CYTH1: variants seen among roughly 807,000 people sequenced by gnomAD.
CYTH1 encodes cytohesin-1.
CYTH1 carries 18 observed loss-of-function variants against 61.8 expected under a neutral mutation model. The ratio of observed to expected loss-of-function variants is 0.29; its 90% confidence interval spans 0.20 to 0.43. The LOEUF (loss-of-function observed/expected upper bound fraction) is 0.43. Among genes scored for constraint, CYTH1 ranks in the 20% least tolerant of loss-of-function variants. The probability of loss-of-function intolerance (pLI) is 1.00; values close to 1 mark genes in which losing one functional copy is unlikely to be tolerated. For synonymous variants in CYTH1, 174 were observed against 184.3 expected (o/e 0.94, Z 0.45); for missense variants, 336 against 510.5 (o/e 0.66, Z 3.29).
At chr17:78,708,977 ATGTCT>A (rs1176964134) in intron 2 of CYTH1, 1 of 152,296 alleles carries the variant, frequency 6.6e-6, no homozygotes, top group Non-Finnish European at 1.5e-5. Flanking sequence ...CCCACTCCTA[ATGTCT>A]TGTGAAGAAT....
At chr17:78,710,503 A>G (rs982950155) in intron 1 of CYTH1, among the ~76,000 whole-genome samples, 1 of 152,180 alleles carries the variant, frequency 6.6e-6, no homozygotes, top group African/African-American at 2.4e-5. Context: ...ACCCTCTAAA[A>G]TGACCCTTCA....
intron 3 of CYTH1, among the ~76,000 whole-genome samples, chr17:78,703,571 C>T (rs1250814746): frequency 6.6e-6 from 1 of 152,172 alleles, no homozygotes; most frequent in Non-Finnish European, 1.5e-5. Flanking sequence ...GAATTCCTCA[C>T]ACCTTTTTAC....
rs2092694224 is a variant in CYTH1, at chr17:78,676,031, G to A, written c.*60C>T. ...TGCTCGGCAGCAGTGCATCCATGGA[G>A]GTGCGGGAGAAGAGCAGGAGCTCCA... On this transcript the variant is annotated 3_prime_UTR_variant, in exon 14 of 14. Transcript: ENST00000446868. 1.3e-6 allele frequency: 2 copies of A among 1,563,292 alleles called. No individual in the cohort carries two copies. Among genetic ancestry groups the A allele is most frequent in the Non-Finnish European group, 1.7e-6 (2 of 1,152,684 alleles).
At position 78,760,384 on chromosome 17, in the gene CYTH1, T is replaced by TATATATATATACAC. The variant is rs751494741; in HGVS notation, c.22+21817_22+21818insGTGTATATATATAT. ...ATATATATATATATATATATATATA[T>TATATATATATACAC]ACACACACATACATATATATATGTG... is the stretch of plus-strand genomic sequence containing the variant. On this transcript the variant is annotated intron_variant, in intron 1 of 13. Transcript: ENST00000446868. Among the ~76,000 whole-genome samples, 16 of 51,406 alleles carry TATATATATATACAC rather than the reference T, an allele frequency of 3.1e-4. 2 individuals carry two copies. The highest frequency in any genetic ancestry group is 4.3e-4 in the Non-Finnish European group (12 of 27,740). 33.7% of individuals were successfully genotyped at this position (51,406 alleles called of 152,430 possible).
chr17:78,718,961 A>T (rs1380596765), intron 1 of CYTH1, among the ~76,000 whole-genome samples: 2 of 152,248 alleles, frequency 1.3e-5, no homozygotes, highest in African/African-American at 4.8e-5. Context: ...GGTGGAAGGC[A>T]GCGGGGGTAC....
intron 1 of CYTH1, among the ~76,000 whole-genome samples, chr17:78,775,882 C>T (rs779436551): frequency 6.6e-5 from 10 of 152,196 alleles, no homozygotes; most frequent in Non-Finnish European, 1.2e-4. Flanking sequence ...AGGCCAGGCA[C>T]GGTGGCTCAT....
intron 1 of CYTH1, among the ~76,000 whole-genome samples, chr17:78,751,166 A>G (rs1171428897): frequency 6.6e-6 from 1 of 152,000 alleles, no homozygotes; most frequent in African/African-American, 2.4e-5. Flanking sequence ...TTTAGTAGAC[A>G]CAGGGTTTCG....
intron 1 of CYTH1, among the ~76,000 whole-genome samples, chr17:78,729,933 C>G (rs1361193344): frequency 6.6e-6 from 1 of 152,140 alleles, no homozygotes; most frequent in Non-Finnish European, 1.5e-5. Flanking sequence ...CCTCTTCTGC[C>G]TATCTGTATA....
At chr17:78,728,774 T>C (rs905614235) in intron 1 of CYTH1, among the ~76,000 whole-genome samples, 1 of 152,120 alleles carries the variant, frequency 6.6e-6, no homozygotes, top group Non-Finnish European at 1.5e-5. Context: ...CAAGAAATAC[T>C]GAAACACACA....
intron 11 of CYTH1, among the ~76,000 whole-genome samples, chr17:78,690,626 G>A (rs1481643818): frequency 8.6e-5 from 13 of 151,800 alleles, no homozygotes; most frequent in African/African-American, 2.9e-4. Context: ...AACCCAGGAG[G>A]CAGAGGTTGC....
intron 13 of CYTH1, chr17:78,678,528 A>C (rs1286640630): frequency 6.6e-6 from 1 of 152,208 alleles, no homozygotes; most frequent in Non-Finnish European, 1.5e-5. Context: ...CCCTTACTTC[A>C]AATCTTATAT....
In CYTH1 at chr17:78,692,496, G is replaced by C; in HGVS notation, c.815-3C>G. ...CTTCCAAGTCTTTACCCTGCCACCT[G>C]CAGAGCAAAAAGAGATGCACGTTCG... On this transcript the variant is annotated splice_region_variant and splice_polypyrimidine_tract_variant and intron_variant, in intron 10 of 13. Coordinates refer to ENST00000446868, the MANE Select transcript of CYTH1 (RefSeq NM_004762.6). 6.2e-7 allele frequency: 1 copy of C among 1,613,876 alleles called. No homozygotes were observed. Among genetic ancestry groups the C allele is most frequent in the Non-Finnish European group, 8.5e-7 (1 of 1,179,952 alleles).
At chr17:78,711,077 A>C (rs1598865431) in intron 1 of CYTH1, among the ~76,000 whole-genome samples, 1 of 151,922 alleles carries the variant, frequency 6.6e-6, no homozygotes, top group East Asian at 1.9e-4. Flanking sequence ...CCTGGCTAAC[A>C]TGGTGAAACC....
intron 1 of CYTH1, among the ~76,000 whole-genome samples, chr17:78,753,556 G>A (rs1475572534): frequency 6.6e-6 from 1 of 151,572 alleles, no homozygotes; most frequent in African/African-American, 2.4e-5. Flanking sequence ...GAATCGGAGG[G>A]CTGCTGACAT....
At chr17:78,732,586 C>T (rs17736494) in intron 1 of CYTH1, among the ~76,000 whole-genome samples, 61,731 of 152,082 alleles carry the variant, frequency 0.41, 14,951 homozygotes, top group Non-Finnish European at 0.53. Flanking sequence ...ATGATGTGTG[C>T]TTTGTACAAT....
At chr17:78,708,016 T>A (rs936874646) in intron 3 of CYTH1, among the ~76,000 whole-genome samples, 181 bp downstream of exon 3, 1 of 152,142 alleles carries the variant, frequency 6.6e-6, no homozygotes, top group African/African-American at 2.4e-5. Flanking sequence ...GAAGCTCCTA[T>A]GTTCAGGAGG....
At chr17:78,764,451 G>A (rs1157598309) in intron 1 of CYTH1, among the ~76,000 whole-genome samples, 1 of 151,884 alleles carries the variant, frequency 6.6e-6, no homozygotes, top group African/African-American at 2.4e-5. Flanking sequence ...GTGAGCCACC[G>A]CGCCCGGCCT....
At chr17:78,734,312 T>C (rs981804933) in intron 1 of CYTH1, among the ~76,000 whole-genome samples, 12 of 151,156 alleles carry the variant, frequency 7.9e-5, no homozygotes, top group African/African-American at 1.5e-4. Flanking sequence ...TAATAACTTA[T>C]GGCAGTTAAG....
chr17:78,698,193 GCACGCACA>G (rs1026193442), intron 9 of CYTH1, 68 bp downstream of exon 9: 48 of 1,198,484 alleles, frequency 4.0e-5, no homozygotes, highest in Admixed American at 1.8e-4. Context: ...ACACACGCAC[GCACGCACA>G]CACGCACACA....
Sources: allele counts gnomAD v4.1 joint callset (sites outside exome capture counted in the v4.1 genomes callset), GRCh38; gene constraint gnomAD v4.1.1; transcripts MANE v1.5; gene names NCBI Gene and HGNC (gene_info 2026-07-23, HGNC 2026-07-21).